CIMIP1: variants seen among roughly 807,000 people sequenced by gnomAD.
CIMIP1 encodes the protein ciliary microtubule inner protein 1.
chr20:58,156,690 G>A, the CIMIP1 span, among the ~76,000 whole-genome samples: 1 of 152,196 alleles, frequency 6.6e-6, no homozygotes, highest in Non-Finnish European at 1.5e-5. Flanking sequence ...CTTAGACGAT[G>A]CTCTCACCTG....
the CIMIP1 span, among the ~76,000 whole-genome samples, chr20:58,154,369 G>A: frequency 6.6e-6 from 1 of 152,232 alleles, no homozygotes; most frequent in Non-Finnish European, 1.5e-5. Context: ...ATGTTTACAT[G>A]AAATTTTCTG....
chr20:58,161,049 AAGG>A, the CIMIP1 span: 1 of 386,618 alleles, frequency 2.6e-6, no homozygotes, highest in African/African-American at 2.1e-5. Flanking sequence ...TGTAATGAAT[AAGG>A]CTTCTCTCAT....
the CIMIP1 span, among the ~76,000 whole-genome samples, chr20:58,151,703 G>A: frequency 5.3e-5 from 8 of 152,100 alleles, no homozygotes; most frequent in Middle Eastern, 3.4e-3. Context: ...GTGAGTCACC[G>A]CGCCTGGCCA....
At chr20:58,156,492 G>A in the CIMIP1 span, among the ~76,000 whole-genome samples, 2 of 152,028 alleles carry the variant, frequency 1.3e-5, no homozygotes, top group African/African-American at 4.8e-5. Context: ...GGATGTGAGT[G>A]GAAAAGTGGG....
the CIMIP1 span, chr20:58,153,502 C>T: frequency 3.3e-6 from 5 of 1,520,000 alleles, no homozygotes; most frequent in African/African-American, 1.4e-5. Context: ...CCCCTTGAAC[C>T]TTTTTCCGTG....
the CIMIP1 span, among the ~76,000 whole-genome samples, chr20:58,157,088 A>G: frequency 1.3e-5 from 2 of 152,222 alleles, no homozygotes; most frequent in African/African-American, 4.8e-5. Context: ...AAAATATAAT[A>G]TAATTAAAAC....
chr20:58,152,814 G>A, the CIMIP1 span, among the ~76,000 whole-genome samples: 4 of 151,216 alleles, frequency 2.6e-5, no homozygotes, highest in Admixed American at 2.0e-4. Flanking sequence ...TGTGTATGCA[G>A]CTCATGTTTG....
the CIMIP1 span, among the ~76,000 whole-genome samples, chr20:58,154,422 G>A: frequency 6.6e-6 from 1 of 152,188 alleles, no homozygotes; most frequent in Non-Finnish European, 1.5e-5. Context: ...GTGGGGTGGT[G>A]GCCACCAATC....
chr20:58,159,400 C>T, the CIMIP1 span, among the ~76,000 whole-genome samples: 1 of 151,878 alleles, frequency 6.6e-6, no homozygotes, highest in African/African-American at 2.4e-5. Flanking sequence ...CCTGTAATCC[C>T]AGCCACTCAG....
chr20:58,156,389 A>T, the CIMIP1 span, among the ~76,000 whole-genome samples: 1 of 151,384 alleles, frequency 6.6e-6, no homozygotes, highest in Non-Finnish European at 1.5e-5. Flanking sequence ...GATAGAACAC[A>T]GGCTGCTATG....
the CIMIP1 span, chr20:58,153,593 A>C: frequency 6.2e-7 from 1 of 1,614,144 alleles, no homozygotes; most frequent in South Asian, 1.1e-5. Flanking sequence ...CTGGCCCCAG[A>C]ACTGGGGGTT....
chr20:58,160,159 A>G, the CIMIP1 span, among the ~76,000 whole-genome samples: 2 of 152,230 alleles, frequency 1.3e-5, no homozygotes, highest in African/African-American at 4.8e-5. Flanking sequence ...TTTTCATTCC[A>G]GATAGAAGCC....
At chr20:58,159,183 CTTTTT>C in the CIMIP1 span, among the ~76,000 whole-genome samples, 6 of 104,082 alleles carry the variant, frequency 5.8e-5, no homozygotes, top group African/African-American at 1.9e-4. Flanking sequence ...GCACTTTCTT[CTTTTT>C]TTTTTTTTTT....
At chr20:58,161,023 A>G in the CIMIP1 span, 1 of 465,174 alleles carries the variant, frequency 2.1e-6, no homozygotes, top group East Asian at 3.4e-5. Flanking sequence ...TCACGTCCAC[A>G]CCCATTCTTG....
the CIMIP1 span, chr20:58,151,140 C>T: frequency 2.8e-6 from 3 of 1,070,406 alleles, no homozygotes; most frequent in Non-Finnish European, 4.2e-6. Context: ...GACCACTAAA[C>T]TCGAGGGGCA....
the CIMIP1 span, among the ~76,000 whole-genome samples, chr20:58,159,774 C>T: frequency 3.3e-5 from 5 of 152,200 alleles, no homozygotes; most frequent in Admixed American, 6.5e-5. Context: ...TTCAAGGAAG[C>T]TTTGGCCCCT....
chr20:58,153,636 A>G, the CIMIP1 span: 6 of 1,561,352 alleles, frequency 3.8e-6, no homozygotes, highest in Admixed American at 1.7e-5. Context: ...GTAAATATAA[A>G]TTGTATGAGC....
the CIMIP1 span, chr20:58,151,037 C>T: frequency 4.4e-6 from 7 of 1,602,486 alleles, no homozygotes; most frequent in South Asian, 1.1e-5. Flanking sequence ...GATCTGGTAA[C>T]GCCTGGGATC....
At chr20:58,153,773 T>C in the CIMIP1 span, 1 of 634,080 alleles carries the variant, frequency 1.6e-6, no homozygotes, top group South Asian at 2.0e-5. Flanking sequence ...GTTCCCGCCT[T>C]TCACAGATTC....
Sources: gnomAD v4.1 joint callset for allele counts (sites outside exome capture counted in the v4.1 genomes callset) on GRCh38, gnomAD v4.1.1 for gene constraint, MANE v1.5 for transcripts, NCBI Gene and HGNC (gene_info 2026-07-23, HGNC 2026-07-21) for gene names.